Variants in ARHGEF9 observed in about 807,000 individuals in gnomAD.
ARHGEF9 encodes Cdc42 guanine nucleotide exchange factor 9.
Under a neutral mutation model 41.3 loss-of-function variants are expected in ARHGEF9, and 2 were observed. That is an observed-to-expected ratio of 0.05 (90% CI 0.02 to 0.15). The LOEUF (loss-of-function observed/expected upper bound fraction) is 0.15, where lower values mean the gene tolerates loss of function less well. ARHGEF9 is among the 10% of genes least tolerant of loss of function. The pLI, the probability that ARHGEF9 is intolerant of heterozygous loss-of-function variation, is 1.00. For missense variants in ARHGEF9, 225 were observed against 424.7 expected, an observed-to-expected ratio of 0.53 and a Z score of 4.13; for synonymous variants, 160 against 154.4, an observed-to-expected ratio of 1.04 and a Z score of -0.27.
At chrX:63,737,150 T>A (rs782474972) in intron 1 of ARHGEF9, 2 of 111,725 alleles carry the variant, frequency 1.8e-5, no homozygotes, top group Non-Finnish European at 3.8e-5. Context: ...CACTTCAGTA[T>A]GAAGGATTAG....
chrX:63,772,285 T>C (rs782774605), intron 1 of ARHGEF9, among the ~76,000 whole-genome samples: 43 of 111,800 alleles, frequency 3.8e-4, no homozygotes, highest in Non-Finnish European at 7.5e-4. Context: ...TCGGTCTTCC[T>C]TCCTCTATCC....
At chrX:63,744,900 T>C (rs1259366516) in intron 1 of ARHGEF9, among the ~76,000 whole-genome samples, 1 of 111,879 alleles carries the variant, frequency 8.9e-6, no homozygotes, top group Non-Finnish European at 1.9e-5. Context: ...ATTTTGCTTT[T>C]GTTCTAAGCC....
intron 4 of ARHGEF9, among the ~76,000 whole-genome samples, chrX:63,686,922 A>G (rs1438512680): frequency 1.8e-5 from 2 of 110,889 alleles, no homozygotes; most frequent in Non-Finnish European, 1.9e-5. Context: ...TAATACTGGA[A>G]AAAATAAAAG....
intron 1 of ARHGEF9, among the ~76,000 whole-genome samples, chrX:63,781,790 G>C (rs1225854069): frequency 1.8e-5 from 2 of 111,849 alleles, no homozygotes; most frequent in African/African-American, 6.5e-5. Flanking sequence ...CTATAAAAGT[G>C]GCTGTTTTCT....
intron 5 of ARHGEF9, 151 bp downstream of exon 5, chrX:63,678,189 C>T (rs1268317463): frequency 1.9e-6 from 1 of 528,850 alleles, no homozygotes; most frequent in Non-Finnish European, 3.3e-6. Flanking sequence ...CTTCTGTACC[C>T]TGTTGGCTAT....
At chrX:63,754,945 C>T (rs1454478171) in intron 1 of ARHGEF9, 12 of 937,805 alleles carry the variant, frequency 1.3e-5, no homozygotes, top group Non-Finnish European at 1.6e-5. Context: ...CCGGCGCCTG[C>T]TCAGTCTGTC....
intron 9 of ARHGEF9, chrX:63,642,663 T>C (rs1556307534): frequency 9.0e-6 from 1 of 111,243 alleles, no homozygotes; most frequent in African/African-American, 3.3e-5. Flanking sequence ...GGAAAAAAAA[T>C]AGTGCTTTAC....
intron 1 of ARHGEF9, among the ~76,000 whole-genome samples, chrX:63,774,704 C>A (rs2056262259): frequency 8.9e-6 from 1 of 111,851 alleles, no homozygotes; most frequent in Non-Finnish European, 1.9e-5. Context: ...TGTAAAAATG[C>A]AGTTTATATA....
At chrX:63,650,068 T>C (rs1482808683) in intron 8 of ARHGEF9, among the ~76,000 whole-genome samples, 1 of 111,362 alleles carries the variant, frequency 9.0e-6, no homozygotes, top group Non-Finnish European at 1.9e-5. Flanking sequence ...AACACGTTCT[T>C]TGAAACGACC....
At chrX:63,756,894 T>C (rs2055941639) in intron 1 of ARHGEF9, among the ~76,000 whole-genome samples, 1 of 111,656 alleles carries the variant, frequency 9.0e-6, no homozygotes, top group African/African-American at 3.3e-5. Flanking sequence ...TTACCCTCAT[T>C]GTCCTATAGA....
chrX:63,730,948 T>C lies in ARHGEF9; in HGVS notation c.31-6237A>G, dbSNP rs112501728. ...GCCACTTATCTACAACTTCTTGTTC[T>C]TCCCCTCTAGTTCAACAGCACCACC... is the stretch of plus-strand genomic sequence containing the variant. On this transcript the variant is annotated intron_variant, in intron 1 of 9. Transcript: ENST00000671741. 2.7e-3 allele frequency among the ~76,000 whole-genome samples: 300 copies of C among 112,421 alleles called. 1 individual carries two copies. The highest frequency in any genetic ancestry group is 9.1e-3 in the African/African-American group (280 of 30,939).
intron 2 of ARHGEF9, among the ~76,000 whole-genome samples, chrX:63,709,968 A>AT (rs1170932698): frequency 4.6e-5 from 5 of 108,951 alleles, no homozygotes; most frequent in Admixed American, 2.0e-4. Flanking sequence ...TGTGCCTTCC[A>AT]TTTTTTTTTC....
chrX:63,661,916 TG>T (rs2049248189), intron 7 of ARHGEF9, among the ~76,000 whole-genome samples: 1 of 112,270 alleles, frequency 8.9e-6, no homozygotes, highest in African/African-American at 3.2e-5. Flanking sequence ...AACAGTTGGA[TG>T]AGAACTTAGT....
intron 1 of ARHGEF9, among the ~76,000 whole-genome samples, chrX:63,770,377 T>G (rs112364161): frequency 0.018 from 1,988 of 112,350 alleles, 18 homozygotes; most frequent in Non-Finnish European, 0.027. Flanking sequence ...TTTCTCCCAT[T>G]TAAAATGGCT....
chrX:63,753,543 GTT>G (rs536776847), intron 1 of ARHGEF9, among the ~76,000 whole-genome samples: 3 of 96,297 alleles, frequency 3.1e-5, no homozygotes, highest in African/African-American at 7.5e-5. Context: ...TTCTTGTGGG[GTT>G]TTTTTTTTTT....
chrX:63,671,598 C>T (rs2049959670), intron 6 of ARHGEF9: 1 of 112,597 alleles, frequency 8.9e-6, no homozygotes, highest in Non-Finnish European at 1.9e-5. Context: ...GATTCAAGTT[C>T]CAGCTTTGTC....
At chrX:63,640,316 A>G (rs2047541858) in intron 9 of ARHGEF9, 1 of 112,469 alleles carries the variant, frequency 8.9e-6, no homozygotes, top group African/African-American at 3.2e-5. Context: ...GTTCTGTGGC[A>G]TTGATCTGAT....
At chrX:63,691,015 C>T (rs2051310291) in intron 4 of ARHGEF9, among the ~76,000 whole-genome samples, 1 of 111,462 alleles carries the variant, frequency 9.0e-6, no homozygotes, top group South Asian at 3.7e-4. Flanking sequence ...CACAAACCCA[C>T]AGCTATCATC....
intron 4 of ARHGEF9, among the ~76,000 whole-genome samples, chrX:63,693,939 T>C (rs1313830597): frequency 3.6e-5 from 4 of 110,658 alleles, no homozygotes; most frequent in Non-Finnish European, 7.6e-5. Flanking sequence ...AGTCAGCACT[T>C]TGGGAGGCCG....
Sources: gnomAD v4.1 joint callset for allele counts (sites outside exome capture counted in the v4.1 genomes callset) on GRCh38, gnomAD v4.1.1 for gene constraint, MANE v1.5 for transcripts, NCBI Gene and HGNC (gene_info 2026-07-23, HGNC 2026-07-21) for gene names.